Variants in DCAF5 observed in about 807,000 individuals in gnomAD.
The protein encoded by DCAF5 is DDB1- and CUL4-associated factor 5.
A neutral mutation model predicts 80.7 loss-of-function variants in DCAF5; 9 were observed. That is an observed-to-expected ratio of 0.11 (90% CI 0.07 to 0.19). DCAF5 has a LOEUF of 0.19. DCAF5 is among the 10% of genes least tolerant of loss of function. The pLI is 1.00. For missense variants in DCAF5, 842 were observed against 1,205.7 expected, an observed-to-expected ratio of 0.70 and a Z score of 4.47; for synonymous variants, 433 against 461.9, an observed-to-expected ratio of 0.94 and a Z score of 0.80.
At chr14:69,102,972 C>T (rs972061740) in intron 5 of DCAF5, among the ~76,000 whole-genome samples, 2 of 152,180 alleles carry the variant, frequency 1.3e-5, no homozygotes, top group African/African-American at 2.4e-5. Context: ...AACGTCACCA[C>T]AAACACATGA....
intron 1 of DCAF5, among the ~76,000 whole-genome samples, chr14:69,139,852 AGAAG>A (rs2041309542): frequency 6.8e-6 from 1 of 147,324 alleles, no homozygotes; most frequent in South Asian, 2.2e-4. Flanking sequence ...AAAGAAAAGG[AGAAG>A]GAAGGAAGGG....
intron 4 of DCAF5, 135 bp from the exon 5 acceptor site, chr14:69,116,630 C>G (rs1301198303): frequency 1.0e-6 from 1 of 985,056 alleles, no homozygotes; most frequent in Non-Finnish European, 1.5e-6. Context: ...CAAAACAGCA[C>G]ATAATCCCAC....
At chr14:69,115,638 T>C (rs2040519974) in intron 5 of DCAF5, among the ~76,000 whole-genome samples, 1 of 152,174 alleles carries the variant, frequency 6.6e-6, no homozygotes, top group East Asian at 1.9e-4. Context: ...CCCATGGGAC[T>C]TAAGGAACAT....
chr14:69,141,255 A>C (rs1393076592), intron 1 of DCAF5, among the ~76,000 whole-genome samples: 2 of 151,888 alleles, frequency 1.3e-5, no homozygotes, highest in African/African-American at 4.8e-5. Context: ...TGAGGAGCTA[A>C]GAGACTGGGG....
At chr14:69,058,241 G>A (rs183922467) in intron 8 of DCAF5, among the ~76,000 whole-genome samples, 5 of 152,054 alleles carry the variant, frequency 3.3e-5, no homozygotes, top group Non-Finnish European at 5.9e-5. Flanking sequence ...TGTGGCAGCC[G>A]GGCGTGGTGG....
At chr14:69,130,006 CTTTGTAG>C (rs2040993599) in intron 1 of DCAF5, among the ~76,000 whole-genome samples, 1 of 152,236 alleles carries the variant, frequency 6.6e-6, no homozygotes, top group Admixed American at 6.5e-5. Context: ...GTGGCAGCAG[CTTTGTAG>C]TTACAGAAAA....
intron 1 of DCAF5, among the ~76,000 whole-genome samples, chr14:69,130,677 A>G (rs1455820010): frequency 6.6e-6 from 1 of 152,262 alleles, no homozygotes; most frequent in Non-Finnish European, 1.5e-5. Context: ...AGCTCTGTCT[A>G]TACTCACATG....
Position 69,122,066 on chromosome 14 carries a change from A to C in DCAF5, c.358+151T>G. Reference sequence around the variant, plus strand: ...GACACACACTATCCTAATATATAATACTGCTGTAATGCAGAAAAGACAAGC... The same window carrying C: ...GACACACACTATCCTAATATATAATCCTGCTGTAATGCAGAAAAGACAAGC... On this transcript the variant is annotated intron_variant, in intron 2 of 8. Transcript: ENST00000341516. 3 of 869,474 alleles carry C rather than the reference A, an allele frequency of 3.5e-6. No individual in the cohort carries two copies. The East Asian group carries it at 7.6e-5, about 22-fold the overall frequency. 53.9% of individuals were successfully genotyped at this position (869,474 alleles called of 1,614,324 possible). A position where few individuals can be genotyped will look rare whatever the true frequency, so the allele number is the denominator to read the frequency against.
chr14:69,112,798 T>A (rs2040417606), intron 5 of DCAF5, among the ~76,000 whole-genome samples: 1 of 152,196 alleles, frequency 6.6e-6, no homozygotes, highest in Admixed American at 6.5e-5. Context: ...TTATTTATTA[T>A]TATGAGACAC....
In DCAF5 at chr14:69,051,803, G is replaced by A. The variant is rs1372984059; in HGVS notation, c.*2054C>T. The stretch of plus-strand genomic sequence containing the variant: ...AATAAATAGAATAGAATAAAATAAA[G>A]GACTGGGTGTGCTGACTAAGAAGGG... On this transcript the variant is annotated 3_prime_UTR_variant, in exon 9 of 9. Transcript: ENST00000341516. 1.3e-5 allele frequency: 2 copies of A among 152,496 alleles called. No individual in the cohort carries two copies. Among genetic ancestry groups the A allele is most frequent in the Non-Finnish European group, 2.9e-5 (2 of 68,008 alleles). 9.4% of individuals were successfully genotyped at this position (152,496 alleles called of 1,614,324 possible).
intron 5 of DCAF5, among the ~76,000 whole-genome samples, chr14:69,113,450 G>T (rs923062568): frequency 6.7e-6 from 1 of 149,720 alleles, no homozygotes; most frequent in African/African-American, 2.5e-5. Context: ...AATATGACAT[G>T]TGTTCACTCA....
At chr14:69,140,523 TTTAG>T (rs1017528388) in intron 1 of DCAF5, among the ~76,000 whole-genome samples, 6 of 152,178 alleles carry the variant, frequency 3.9e-5, no homozygotes, top group Non-Finnish European at 7.3e-5. Context: ...CACATCCACT[TTTAG>T]TTAAACACTC....
At chr14:69,124,134 C>T (rs1416777377) in intron 1 of DCAF5, among the ~76,000 whole-genome samples, 1 of 152,150 alleles carries the variant, frequency 6.6e-6, no homozygotes, top group Non-Finnish European at 1.5e-5. Context: ...GCATCCAGGT[C>T]GTGGCATGTA....
intron 5 of DCAF5, among the ~76,000 whole-genome samples, chr14:69,105,665 C>T (rs2040112144): frequency 6.6e-6 from 1 of 151,780 alleles, no homozygotes; most frequent in East Asian, 2.0e-4. Flanking sequence ...TGCTTTGCTT[C>T]CTCTCCTCCT....
chr14:69,054,026 T>C lies in DCAF5; in HGVS notation c.2660A>G (p.Glu887Gly), dbSNP rs200458341. The C allele has an allele frequency of 3.1e-6, 5 of 1,612,842 alleles. 1 individual carries two copies. The highest frequency in any genetic ancestry group is 4.2e-6 in the Non-Finnish European group (5 of 1,179,046). ...TLLHKDCCGS[E>G]MACETPNAGT... ...AGCATTGGGGGTCTCACAGGCCATT[T>C]CAGACCCGCAACAATCTTTGTGTAG... is the stretch of plus-strand genomic sequence containing the variant. The change falls in exon 9 of 9, where the codon GAA (glutamate) becomes GGA (glycine). Residue 887 changes from glutamate (E) to glycine (G), a missense_variant. Physicochemically the swap from Glu to Gly is moderately conservative, Grantham distance 98. Transcript: ENST00000341516.
chr14:69,091,536 G>T, intron 6 of DCAF5, 138 bp downstream of exon 6: 2 of 768,636 alleles, frequency 2.6e-6, no homozygotes, highest in Non-Finnish European at 2.1e-6. Context: ...TATTAAGTCA[G>T]AACATCTCCA....
chr14:69,055,618 A>G lies in DCAF5; in HGVS notation c.1075-7T>C. The G allele has an allele frequency of 6.3e-7, 1 of 1,582,034 alleles. No individual in the cohort carries two copies. The highest frequency in any genetic ancestry group is 2.3e-5 in the East Asian group (1 of 44,142). On this transcript the variant is annotated splice_polypyrimidine_tract_variant and splice_region_variant and intron_variant, in intron 8 of 8. Coordinates refer to ENST00000341516, the MANE Select transcript of DCAF5 (RefSeq NM_003861.3). This position sits in a 1 kb window ranked among gnomAD's most constrained non-coding sequence, Gnocchi z 5.6. ...GCTTGTATGGGCTCCAGATCTGAAC[A>G]GAAAATGAAAAACAAAAGCAACAAG...
At chr14:69,129,714 G>A (rs1341812077) in intron 1 of DCAF5, among the ~76,000 whole-genome samples, 1 of 152,220 alleles carries the variant, frequency 6.6e-6, no homozygotes, top group African/African-American at 2.4e-5. Context: ...AATGGGGTCA[G>A]CCTCAGGAGA....
At chr14:69,082,251 C>T (rs1162441052) in intron 6 of DCAF5, among the ~76,000 whole-genome samples, 5 of 152,174 alleles carry the variant, frequency 3.3e-5, no homozygotes, top group Admixed American at 1.3e-4. Flanking sequence ...TGGGCAAAGC[C>T]GTAGATTTAT....
Sources: gnomAD v4.1 joint callset for allele counts (sites outside exome capture counted in the v4.1 genomes callset) on GRCh38, gnomAD v4.1.1 for gene constraint, Gnocchi (gnomAD v3.1) non-coding constraint, MANE v1.5 for transcripts, NCBI Gene and HGNC (gene_info 2026-07-23, HGNC 2026-07-21) for gene names.